The following KIF24 variants were observed in gnomAD, a reference collection of about 807,000 sequenced individuals.
KIF24 encodes the protein kinesin-like protein KIF24.
In KIF24, 81 loss-of-function variants were observed where a neutral mutation model predicts 118.9. That is an observed-to-expected ratio of 0.68 (90% CI 0.57 to 0.82). KIF24 has a LOEUF of 0.82. KIF24 is among the 40% of genes least tolerant of loss of function. The pLI is 0.00. For missense variants in KIF24, 1,560 were observed against 1,661.6 expected (o/e 0.94, Z 1.06); for synonymous variants, 599 against 610.0 (o/e 0.98, Z 0.27).
At chr9:34,259,511 G>A (rs902376067) in intron 10 of KIF24, 85 bp downstream of exon 10, 81 of 960,812 alleles carry the variant, frequency 8.4e-5, no homozygotes, top group Non-Finnish European at 1.2e-4. Context: ...ACACACACAC[G>A]CGTGCACACA....
At chr9:34,260,022 G>C (rs777341861) in intron 9 of KIF24, among the ~76,000 whole-genome samples, 2 of 152,140 alleles carry the variant, frequency 1.3e-5, no homozygotes, top group Admixed American at 6.5e-5. Context: ...CCATGAACTG[G>C]ACAAGCTTTC....
In KIF24 at chr9:34,256,437, A is replaced by C. The variant is rs200994876; in HGVS notation, c.3170T>G (p.Leu1057Arg). 5.0e-6 allele frequency: 8 copies of C among 1,613,910 alleles called. No individual in the cohort carries two copies. The highest frequency in any genetic ancestry group is 6.8e-6 in the Non-Finnish European group (8 of 1,179,866). The change falls in exon 11 of 13, where the codon CTG (leucine) becomes CGG (arginine). Residue 1057 changes from leucine (L) to arginine (R), a missense_variant. Transcript: ENST00000402558. Reference sequence around the variant, plus strand: ...AGACCCTTCGTTGTCTGGGTTCTCCAGGAGGGACATGGTGAGGGGAGACAT... The same window carrying C: ...AGACCCTTCGTTGTCTGGGTTCTCCCGGAGGGACATGGTGAGGGGAGACAT... ...GLMSPLTMSLLENPDNEGSPP... is the reference protein window; with the variant it reads ...GLMSPLTMSLRENPDNEGSPP...
rs1187073210 is a variant in KIF24 at position 34,321,596 on chromosome 9, ACTT to A, written c.-26+7507_-26+7509del. Among the ~76,000 whole-genome samples, 43 of 130,230 alleles carry A rather than the reference ACTT, an allele frequency of 3.3e-4. 1 individual carries two copies. Among genetic ancestry groups the A allele is most frequent in the South Asian group, 5.8e-4 (2 of 3,464 alleles). The allele number at this position is 130,230 out of a possible 152,430, so 85.4% of individuals were successfully genotyped here. A position where few individuals can be genotyped will look rare whatever the true frequency, so the allele number is the denominator to read the frequency against. ...AAAAAAAAGCTATACATACATACAT[ACTT>A]CTTCTTTTTTTTTTTTTTTTTTTTA... On this transcript the variant is annotated intron_variant, in intron 1 of 12. Coordinates refer to ENST00000402558, the MANE Select transcript of KIF24 (RefSeq NM_194313.4).
intron 3 of KIF24, among the ~76,000 whole-genome samples, chr9:34,303,343 GT>G (rs201715690): frequency 0.015 from 2,331 of 152,296 alleles, 25 homozygotes; most frequent in Admixed American, 0.026. Flanking sequence ...AAAAAAGTAT[GT>G]GTATTATTTA....
At chr9:34,301,997 C>CTTTT (rs778142590) in intron 3 of KIF24, among the ~76,000 whole-genome samples, 6 of 137,662 alleles carry the variant, frequency 4.4e-5, no homozygotes, top group Admixed American at 7.4e-5. Flanking sequence ...ATTTTTTTTT[C>CTTTT]TTTTTTTTTT....
At chr9:34,285,912 G>C (rs1443113110) in intron 6 of KIF24, among the ~76,000 whole-genome samples, 4 of 131,620 alleles carry the variant, frequency 3.0e-5, no homozygotes, top group Admixed American at 8.4e-5. Flanking sequence ...CTGGGCAACA[G>C]AGCAAGACCC....
intron 7 of KIF24, 38 bp from the exon 8 acceptor site, chr9:34,269,400 CTTTATTTTAT>C (rs111539052): frequency 1.7e-5 from 15 of 906,612 alleles, no homozygotes; most frequent in Admixed American, 1.2e-4. Flanking sequence ...TTCTGTGAAG[CTTTATTTTAT>C]TTTATTTTAT....
Position 34,256,835 on chromosome 9 carries a change from A to C in KIF24, c.2772T>G (p.Ser924=). 1 of 1,613,970 alleles carries C rather than the reference A, an allele frequency of 6.2e-7. No individual in the cohort carries two copies. Among genetic ancestry groups the C allele is most frequent in the Non-Finnish European group, 8.5e-7 (1 of 1,179,878 alleles). ...CTCTGGGAGAAGGCCCTGAGGAAGT[A>C]GAGTTCTCTCTGCTCCAGTCCACGG... is the stretch of plus-strand genomic sequence containing the variant. ...KGPVDWSREN[S]TSSGPSPRDS... The change falls in exon 11 of 13, where the codon TCT becomes TCG. Residue 924 remains serine, a synonymous_variant. Transcript: ENST00000402558.
At chr9:34,295,164 A>C (rs36143388) in intron 4 of KIF24, among the ~76,000 whole-genome samples, 71,839 of 151,734 alleles carry the variant, frequency 0.47, 19,995 homozygotes, top group South Asian at 0.63. Context: ...AGGTAGGTAG[A>C]TAGCTAGGTA....
rs566600464 is a variant in KIF24, at chr9:34,272,944, T to C, written c.1216-1014A>G. On this transcript the variant is annotated intron_variant, in intron 6 of 12. Coordinates refer to ENST00000402558, the MANE Select transcript of KIF24 (RefSeq NM_194313.4). ...CAGCCACAAAGAACTTTAAAAACAT[T>C]ATTTGGGCCGGGCATGGTGGCTCAC... is the stretch of plus-strand genomic sequence containing the variant. Among the ~76,000 whole-genome samples the C allele has an allele frequency of 3.1e-4, 47 of 152,058 alleles. 1 individual carries two copies. Among genetic ancestry groups the C allele is most frequent in the Middle Eastern group, 3.4e-3 (1 of 294 alleles).
chr9:34,299,419 T>G (rs1836608847), intron 3 of KIF24, among the ~76,000 whole-genome samples: 3 of 152,014 alleles, frequency 2.0e-5, no homozygotes, highest in African/African-American at 7.2e-5. Context: ...TGACCTCAAG[T>G]GATCCGTCTG....
In KIF24 at chr9:34,296,239, C is replaced by A. The variant is rs546228131; in HGVS notation, c.911+778G>T. Reference sequence around the variant, plus strand: ...GTCTCAAAAAAAAAAAAAAAAACATCTATGAGGCCGGGCGTGGTGGCTCAC... The same window carrying A: ...GTCTCAAAAAAAAAAAAAAAAACATATATGAGGCCGGGCGTGGTGGCTCAC... On this transcript the variant is annotated intron_variant, in intron 4 of 12. Coordinates refer to ENST00000402558, the MANE Select transcript of KIF24 (RefSeq NM_194313.4). Among the ~76,000 whole-genome samples, 5 of 114,982 alleles carry A rather than the reference C, an allele frequency of 4.3e-5. No individual in the cohort carries two copies. The East Asian group carries it at 1.2e-3, about 28-fold the overall frequency. 75.4% of individuals were successfully genotyped at this position (114,982 alleles called of 152,430 possible). A position where few individuals can be genotyped will look rare whatever the true frequency, so the allele number is the denominator to read the frequency against.
At chr9:34,307,859 T>G (rs1480006106) in intron 2 of KIF24, among the ~76,000 whole-genome samples, 2 of 58,114 alleles carry the variant, frequency 3.4e-5, no homozygotes, top group Non-Finnish European at 8.1e-5. Flanking sequence ...AGACTCTGTC[T>G]GAAAAAAAAA....
chr9:34,267,591 A>T (rs1173200857), intron 8 of KIF24, among the ~76,000 whole-genome samples: 1 of 152,178 alleles, frequency 6.6e-6, no homozygotes, highest in African/African-American at 2.4e-5. Flanking sequence ...AAAGAAAAAG[A>T]AACAGATAAA....
intron 7 of KIF24, among the ~76,000 whole-genome samples, chr9:34,270,966 A>G (rs1835482117): frequency 1.3e-5 from 2 of 150,948 alleles, no homozygotes; most frequent in Non-Finnish European, 3.0e-5. Context: ...GTGGTGGTCC[A>G]TACCTGTAGT....
At chr9:34,270,515 C>CA (rs1157919379) in intron 7 of KIF24, among the ~76,000 whole-genome samples, 1,747 of 55,342 alleles carry the variant, frequency 0.032, 35 homozygotes, top group African/African-American at 0.085. Context: ...GACTCCGTCT[C>CA]AAAAAAAAAA....
chr9:34,316,900 C>CT, intron 1 of KIF24, among the ~76,000 whole-genome samples: 1 of 151,212 alleles, frequency 6.6e-6, no homozygotes, highest in Middle Eastern at 3.4e-3. Context: ...TGAAACCCCC[C>CT]GTCTCTATTA....
At chr9:34,254,559 TG>T (rs1270533110) in intron 12 of KIF24, 39 bp from the exon 13 acceptor site, 1 of 1,597,548 alleles carries the variant, frequency 6.3e-7, no homozygotes. Flanking sequence ...CTTTTGCTCT[TG>T]CTGGCGCTCT....
chr9:34,315,320 T>C (rs1380546779), intron 1 of KIF24, among the ~76,000 whole-genome samples: 1 of 152,178 alleles, frequency 6.6e-6, no homozygotes, highest in Non-Finnish European at 1.5e-5. Context: ...TCTTGGTGTC[T>C]TTCTAGCCTT....
Sources: gnomAD v4.1 joint callset for allele counts (sites outside exome capture counted in the v4.1 genomes callset) on GRCh38, gnomAD v4.1.1 for gene constraint, MANE v1.5 for transcripts, NCBI Gene and HGNC (gene_info 2026-07-23, HGNC 2026-07-21) for gene names.